Variants in NRXN1 observed in about 807,000 individuals in gnomAD.
The protein encoded by NRXN1 is neurexin-1.
In NRXN1, 39 loss-of-function variants were observed where a neutral mutation model predicts 150.9. The ratio of observed to expected loss-of-function variants is 0.26; its 90% CI spans 0.20 to 0.34. The LOEUF (loss-of-function observed/expected upper bound fraction) is 0.34. Ranked by LOEUF, NRXN1 falls within the 10% of genes least tolerant of loss-of-function variation. The pLI is 1.00. For synonymous variants in NRXN1, 924 were observed against 757.0 expected, an observed-to-expected ratio of 1.22 and a Z score of -3.62; for missense variants, 1,815 against 1,949.9, an observed-to-expected ratio of 0.93 and a Z score of 1.30.
At chr2:50,909,578 G>A (rs1447179577) in intron 5 of NRXN1, among the ~76,000 whole-genome samples, 1 of 151,962 alleles carries the variant, frequency 6.6e-6, no homozygotes, top group Non-Finnish European at 1.5e-5. Flanking sequence ...GAGTCCTAAA[G>A]TGTTAACAGA....
intron 19 of NRXN1, among the ~76,000 whole-genome samples, chr2:50,087,338 C>T (rs539421802): frequency 6.6e-6 from 1 of 152,088 alleles, no homozygotes; most frequent in African/African-American, 2.4e-5. Context: ...ATAAAACGAA[C>T]ATTTGACCTT....
chr2:50,704,318 A>C (rs1026002439), intron 5 of NRXN1, among the ~76,000 whole-genome samples: 1 of 152,024 alleles, frequency 6.6e-6, no homozygotes, highest in Non-Finnish European at 1.5e-5. Flanking sequence ...AATATATATT[A>C]TTCATCTTTA....
intron 5 of NRXN1, among the ~76,000 whole-genome samples, chr2:50,755,533 A>T (rs1353015223): frequency 6.6e-6 from 1 of 151,764 alleles, no homozygotes; most frequent in African/African-American, 2.4e-5. Context: ...TCCACAAAAG[A>T]CAGGATAGAT....
chr2:49,968,767 A>G (rs1025452683), intron 21 of NRXN1, among the ~76,000 whole-genome samples: 1 of 152,266 alleles, frequency 6.6e-6, no homozygotes, highest in Non-Finnish European at 1.5e-5. Flanking sequence ...GAGCAAATAT[A>G]TTGACAAGAC....
At chr2:50,813,190 C>T (rs527543055) in intron 5 of NRXN1, among the ~76,000 whole-genome samples, 61 of 147,882 alleles carry the variant, frequency 4.1e-4, no homozygotes, top group African/African-American at 1.4e-3. Context: ...AACACCTTGT[C>T]TCAAAAAAAA....
chr2:50,558,826 G>A (rs1437960477), intron 8 of NRXN1, among the ~76,000 whole-genome samples: 1 of 152,096 alleles, frequency 6.6e-6, no homozygotes, highest in Non-Finnish European at 1.5e-5. Flanking sequence ...TTGGGAGGCC[G>A]AGGAGGGCGG....
intron 18 of NRXN1, among the ~76,000 whole-genome samples, chr2:50,170,507 T>C (rs978820738): frequency 6.6e-6 from 1 of 152,042 alleles, no homozygotes; most frequent in African/African-American, 2.4e-5. Context: ...ATGTTGACCA[T>C]GCTGGTCTCA....
At chr2:50,805,875 C>T (rs979166722) in intron 5 of NRXN1, among the ~76,000 whole-genome samples, 17 of 152,226 alleles carry the variant, frequency 1.1e-4, no homozygotes, top group Admixed American at 9.2e-4. Flanking sequence ...TCCTTCTACT[C>T]TCTTCCTTAG....
At chr2:50,061,119 T>G (rs1694466394) in intron 19 of NRXN1, among the ~76,000 whole-genome samples, 1 of 152,226 alleles carries the variant, frequency 6.6e-6, no homozygotes, top group Non-Finnish European at 1.5e-5. Flanking sequence ...GTATATTATT[T>G]TAAATAATTT....
intron 18 of NRXN1, among the ~76,000 whole-genome samples, chr2:50,131,397 A>G (rs1195685114): frequency 6.6e-6 from 1 of 152,156 alleles, no homozygotes; most frequent in East Asian, 1.9e-4. Context: ...TTATCTCTTC[A>G]AGATATCACT....
At chr2:50,317,499 T>C (rs1046843076) in intron 17 of NRXN1, among the ~76,000 whole-genome samples, 2 of 151,742 alleles carry the variant, frequency 1.3e-5, no homozygotes, top group African/African-American at 4.8e-5. Flanking sequence ...AGCTGTTCTA[T>C]TACAATTGCT....
At chr2:50,082,977 TGGGG>T (rs1284682168) in intron 19 of NRXN1, among the ~76,000 whole-genome samples, 2 of 151,786 alleles carry the variant, frequency 1.3e-5, no homozygotes, top group African/African-American at 4.9e-5. Flanking sequence ...GCATTTGTTT[TGGGG>T]GCAAAAAATC....
intron 17 of NRXN1, among the ~76,000 whole-genome samples, chr2:50,276,425 G>T (rs1039549605): frequency 6.6e-6 from 1 of 152,108 alleles, no homozygotes; most frequent in Admixed American, 6.6e-5. Context: ...AAACAATTAA[G>T]TTTGTTGCTT....
chr2:50,253,161 GT>G (rs1233335347), intron 17 of NRXN1, among the ~76,000 whole-genome samples: 1 of 151,808 alleles, frequency 6.6e-6, no homozygotes, highest in Non-Finnish European at 1.5e-5. Flanking sequence ...GTATTTTATT[GT>G]TTTTGTAGTA....
intron 21 of NRXN1, among the ~76,000 whole-genome samples, chr2:50,038,723 T>C (rs67418468): frequency 0.41 from 62,125 of 150,184 alleles, 13,571 homozygotes; most frequent in Middle Eastern, 0.51. Context: ...AAAAGAATAG[T>C]TTTCTCCGTC....
At chr2:50,397,848 G>T (rs985707003) in intron 17 of NRXN1, among the ~76,000 whole-genome samples, 6 of 152,048 alleles carry the variant, frequency 3.9e-5, no homozygotes, top group African/African-American at 1.4e-4. Flanking sequence ...AATTATTTCT[G>T]TATGAAAGGT....
chr2:50,485,633 C>T (rs190405830), intron 15 of NRXN1, among the ~76,000 whole-genome samples: 4 of 152,308 alleles, frequency 2.6e-5, no homozygotes, highest in East Asian at 1.9e-4. Flanking sequence ...CCTCGTGGGC[C>T]GAGATAGGCC....
At chr2:50,355,030 G>C (rs1174421804) in intron 17 of NRXN1, among the ~76,000 whole-genome samples, 1 of 151,918 alleles carries the variant, frequency 6.6e-6, no homozygotes, top group African/African-American at 2.4e-5. Context: ...CTCAAACCAG[G>C]AACCAGAAAT....
intron 2 of NRXN1, among the ~76,000 whole-genome samples, chr2:50,958,697 A>G (rs962595247): frequency 6.6e-6 from 1 of 151,914 alleles, no homozygotes; most frequent in Admixed American, 6.6e-5. Flanking sequence ...TCTTTTCCTT[A>G]CCTAAGTGCC....
Sources: gnomAD v4.1 joint callset for allele counts (sites outside exome capture counted in the v4.1 genomes callset) on GRCh38, gnomAD v4.1.1 for gene constraint, MANE v1.5 for transcripts, NCBI Gene and HGNC (gene_info 2026-07-23, HGNC 2026-07-21) for gene names.